MYO1B: variants seen among roughly 807,000 people sequenced by gnomAD.
MYO1B encodes unconventional myosin-Ib.
A neutral mutation model predicts 159.7 loss-of-function variants in MYO1B; 72 were observed. The observed-to-expected ratio is 0.45, with a 90% confidence interval of 0.37 to 0.55. The LOEUF (loss-of-function observed/expected upper bound fraction) is 0.55. Ranked by LOEUF, MYO1B falls within the 20% of genes least tolerant of loss-of-function variation. The pLI, the probability that MYO1B is intolerant of heterozygous loss-of-function variation, is 0.00. For missense variants in MYO1B, 1,062 were observed against 1,364.8 expected (o/e 0.78, Z 3.50); for synonymous variants, 468 against 473.8 (o/e 0.99, Z 0.16).
chr2:191,379,184 T>TATCAATAC (rs1310041165), intron 13 of MYO1B: 3 of 152,670 alleles, frequency 2.0e-5, no homozygotes, highest in African/African-American at 7.2e-5. Context: ...CATGAATAAC[T>TATCAATAC]ATCAATACAT....
chr2:191,379,465 A>C (rs1387343764), intron 13 of MYO1B, among the ~76,000 whole-genome samples: 2 of 152,210 alleles, frequency 1.3e-5, no homozygotes, highest in Non-Finnish European at 2.9e-5. Context: ...TTGTTTTGTA[A>C]TTGTGAAGCT....
At chr2:191,390,717 T>C (rs1258815523) in intron 18 of MYO1B, among the ~76,000 whole-genome samples, 4 of 152,238 alleles carry the variant, frequency 2.6e-5, no homozygotes, top group South Asian at 4.1e-4. Context: ...TTTTAGAATA[T>C]GCCCAAGGTA....
At chr2:191,289,545 A>T (rs1174690583) in intron 2 of MYO1B, among the ~76,000 whole-genome samples, 1 of 152,236 alleles carries the variant, frequency 6.6e-6, no homozygotes, top group Admixed American at 6.5e-5. Flanking sequence ...CTCCAGAGAC[A>T]TGTAAACAAA....
At chr2:191,245,727 GC>G (rs1020856794) in intron 1 of MYO1B, 101 bp downstream of exon 1, 10 of 152,242 alleles carry the variant, frequency 6.6e-5, no homozygotes, top group African/African-American at 2.4e-4. Context: ...GCGGTCCCTG[GC>G]CCCGTCGCAC....
At chr2:191,279,292 CAA>C (rs983501122) in intron 2 of MYO1B, among the ~76,000 whole-genome samples, 13 of 152,212 alleles carry the variant, frequency 8.5e-5, no homozygotes, top group African/African-American at 2.4e-4. Context: ...ATAAGTGAAA[CAA>C]GAGATTGTAA....
At chr2:191,283,809 T>C (rs1013657899) in intron 2 of MYO1B, among the ~76,000 whole-genome samples, 1 of 152,172 alleles carries the variant, frequency 6.6e-6, no homozygotes, top group Non-Finnish European at 1.5e-5. Context: ...CTTTCAATTC[T>C]CAAAATAATT....
chr2:191,391,317 C>T (rs574149042), intron 18 of MYO1B, among the ~76,000 whole-genome samples: 11 of 152,338 alleles, frequency 7.2e-5, no homozygotes, highest in African/African-American at 2.4e-4. Context: ...ACATTATTCT[C>T]ACTGCACCTG....
chr2:191,276,834 T>C (rs1687781000), intron 1 of MYO1B, 53 bp from the exon 2 acceptor site: 1 of 1,557,880 alleles, frequency 6.4e-7, no homozygotes, highest in African/African-American at 1.4e-5. Flanking sequence ...GCCAAGAACC[T>C]ATTTGAAATT....
intron 6 of MYO1B, among the ~76,000 whole-genome samples, chr2:191,347,937 A>T (rs1169191763): frequency 6.6e-6 from 1 of 152,192 alleles, no homozygotes; most frequent in Non-Finnish European, 1.5e-5. Flanking sequence ...GAGTAGTCTG[A>T]TAGACCCTGC....
intron 1 of MYO1B, among the ~76,000 whole-genome samples, chr2:191,265,754 G>C (rs570319675): frequency 7.2e-5 from 11 of 152,330 alleles, no homozygotes; most frequent in Admixed American, 6.5e-4. Context: ...ATGTTCCCCT[G>C]TACAGCTGAG....
chr2:191,292,218 T>C (rs1688727397), intron 2 of MYO1B, among the ~76,000 whole-genome samples: 1 of 152,236 alleles, frequency 6.6e-6, no homozygotes. Context: ...GCACCATTTT[T>C]AGTTTCTTGA....
chr2:191,309,334 T>C (rs887729545), intron 3 of MYO1B, among the ~76,000 whole-genome samples: 5 of 152,146 alleles, frequency 3.3e-5, no homozygotes, highest in Non-Finnish European at 5.9e-5. Flanking sequence ...TAGCCACTTG[T>C]GCGTGTGCCA....
Position 191,393,105 on chromosome 2 carries a change from C to T in MYO1B, c.2109C>T (p.Arg703=). The change falls in exon 20 of 31, where the codon CGC becomes CGT. Residue 703 remains arginine, a synonymous_variant. Coordinates refer to ENST00000392318, the MANE Select transcript of MYO1B (RefSeq NM_001130158.3). ...LFKLEDLRKQ[R]LEDLATLIQK... ...AATTAGAAGACCTGAGGAAGCAACG[C>T]CTGGAGGACTTGGCCACTCTCATTC... 6.8e-6 allele frequency: 11 copies of T among 1,613,806 alleles called. No individual in the cohort carries two copies. Among genetic ancestry groups the T allele is most frequent in the Non-Finnish European group, 9.3e-6 (11 of 1,179,854 alleles).
rs1158574266 is a variant in MYO1B at position 191,400,375 on chromosome 2, C to T, written c.2296-7C>T. ...CATTCTCTCTTTTGGGTGATTCTGC[C>T]CTTTAGGCTCGAAAAATTCTGCGGG... On this transcript the variant is annotated splice_polypyrimidine_tract_variant and splice_region_variant and intron_variant, in intron 21 of 30. Transcript: ENST00000392318. 9.3e-6 allele frequency: 15 copies of T among 1,613,694 alleles called. No homozygotes were observed. Among genetic ancestry groups the T allele is most frequent in the Admixed American group, 3.3e-5 (2 of 59,960 alleles).
At chr2:191,381,164 G>A (rs1695019742) in intron 13 of MYO1B, 2 of 396,940 alleles carry the variant, frequency 5.0e-6, no homozygotes, top group Admixed American at 7.3e-5. Flanking sequence ...TGATCCTTCA[G>A]CAAAGGAAGT....
In MYO1B at chr2:191,255,413, G is replaced by T. The variant is rs186180722; in HGVS notation, c.-10+9787G>T. ...GGCGGAGAGAGGGAAATTTAGATTG[G>T]GGTACAAGGAGAGCCTGACTTAGGA... On this transcript the variant is annotated intron_variant, in intron 1 of 30. Transcript: ENST00000392318. 6.0e-4 allele frequency among the ~76,000 whole-genome samples: 92 copies of T among 152,248 alleles called. 1 individual carries two copies. The East Asian group carries it at 0.01, about 17-fold the overall frequency.
At chr2:191,391,997 C>A in intron 18 of MYO1B, 111 bp from the exon 19 acceptor site, 1 of 629,258 alleles carries the variant, frequency 1.6e-6, no homozygotes, top group Non-Finnish European at 2.6e-6. Flanking sequence ...AGAGCAATTA[C>A]ACTTGGAAAT....
intron 1 of MYO1B, among the ~76,000 whole-genome samples, chr2:191,275,114 C>T (rs560097960): frequency 6.6e-6 from 1 of 152,094 alleles, no homozygotes; most frequent in East Asian, 1.9e-4. Flanking sequence ...CCATCTTGGC[C>T]AGGCTGGTCT....
chr2:191,390,809 T>C (rs933013040), intron 18 of MYO1B, among the ~76,000 whole-genome samples: 1 of 151,102 alleles, frequency 6.6e-6, no homozygotes, highest in African/African-American at 2.5e-5. Context: ...ACAGGTTGGA[T>C]TACCACTTGT....
Sources: gnomAD v4.1 joint callset for allele counts (sites outside exome capture counted in the v4.1 genomes callset) on GRCh38, gnomAD v4.1.1 for gene constraint, MANE v1.5 for transcripts, NCBI Gene and HGNC (gene_info 2026-07-23, HGNC 2026-07-21) for gene names.